The following DENND1B variants were observed in gnomAD, a reference collection of about 807,000 sequenced individuals.
DENND1B encodes the protein DENN domain containing 1B.
A neutral mutation model predicts 90.1 loss-of-function variants in DENND1B; 59 were observed. That is an observed-to-expected ratio of 0.65 (90% CI 0.53 to 0.81). The LOEUF is 0.81. Among genes scored for constraint, DENND1B ranks in the 40% least tolerant of loss-of-function variants. The probability of loss-of-function intolerance (pLI) is 0.00; values close to 1 mark genes in which losing one functional copy is unlikely to be tolerated. For missense variants in DENND1B, 862 were observed against 912.6 expected (o/e 0.94, Z 0.71); for synonymous variants, 337 against 324.6 (o/e 1.04, Z -0.41).
intron 7 of DENND1B, 51 bp downstream of exon 7, chr1:197,652,184 A>G (rs1447904879): frequency 6.6e-7 from 1 of 1,515,740 alleles, no homozygotes; most frequent in Non-Finnish European, 9.1e-7. Context: ...CTCTTAACGA[A>G]ATTGAGACAT....
chr1:197,526,582 T>C (rs901180909), intron 20 of DENND1B, among the ~76,000 whole-genome samples: 1 of 152,128 alleles, frequency 6.6e-6, no homozygotes, highest in Non-Finnish European at 1.5e-5. Context: ...TTTCAAGACA[T>C]TGTAATAAAT....
intron 15 of DENND1B, among the ~76,000 whole-genome samples, chr1:197,566,132 C>T (rs1163284392): frequency 6.6e-6 from 1 of 151,938 alleles, no homozygotes; most frequent in Non-Finnish European, 1.5e-5. Flanking sequence ...CCTATTTCTC[C>T]ACATCCTCTC....
chr1:197,672,890 T>C (rs1362940153), intron 4 of DENND1B, among the ~76,000 whole-genome samples: 1 of 152,040 alleles, frequency 6.6e-6, no homozygotes, highest in African/African-American at 2.4e-5. Flanking sequence ...CTATTTAAAA[T>C]ATATGAATAT....
At chr1:197,763,437 C>T (rs1250864042) in intron 2 of DENND1B, among the ~76,000 whole-genome samples, 1 of 152,112 alleles carries the variant, frequency 6.6e-6, no homozygotes, top group African/African-American at 2.4e-5. Context: ...ATCTCAGTAC[C>T]TTTATCAGTT....
chr1:197,681,154 C>T (rs371615145), intron 3 of DENND1B, among the ~76,000 whole-genome samples: 3 of 152,084 alleles, frequency 2.0e-5, no homozygotes, highest in Admixed American at 2.0e-4. Flanking sequence ...AAGCATTATA[C>T]TGAATAACTT....
At chr1:197,535,697 C>A (rs2125643013) in intron 20 of DENND1B, among the ~76,000 whole-genome samples, 1 of 152,306 alleles carries the variant, frequency 6.6e-6, no homozygotes, top group African/African-American at 2.4e-5. Context: ...CTGAGAACTG[C>A]TTCCCCTGTT....
chr1:197,732,539 G>C (rs6428416), intron 2 of DENND1B, among the ~76,000 whole-genome samples: 74,472 of 152,012 alleles, frequency 0.49, 20,674 homozygotes, highest in East Asian at 0.66. Flanking sequence ...CATTAAGTTA[G>C]TTAAAAGACA....
At chr1:197,638,547 T>C (rs991400679) in intron 10 of DENND1B, among the ~76,000 whole-genome samples, 2 of 152,178 alleles carry the variant, frequency 1.3e-5, no homozygotes, top group East Asian at 1.9e-4. Context: ...GGTACAATTA[T>C]AGAGGCATAT....
At chr1:197,640,696 A>C (rs1394376440) in intron 10 of DENND1B, among the ~76,000 whole-genome samples, 1 of 152,172 alleles carries the variant, frequency 6.6e-6, no homozygotes, top group Non-Finnish European at 1.5e-5. Flanking sequence ...AAATTAAATA[A>C]AACACCAATA....
At chr1:197,738,057 T>C (rs1448594219) in intron 2 of DENND1B, among the ~76,000 whole-genome samples, 1 of 152,190 alleles carries the variant, frequency 6.6e-6, no homozygotes, top group Non-Finnish European at 1.5e-5. Context: ...CCCTATTTAC[T>C]TTCCCCTTCA....
intron 2 of DENND1B, among the ~76,000 whole-genome samples, chr1:197,722,615 G>A (rs915208718): frequency 2.6e-5 from 4 of 152,054 alleles, no homozygotes; most frequent in African/African-American, 9.7e-5. Context: ...AAGAAACCTA[G>A]ACAAGGAGAT....
chr1:197,573,054 C>T (rs533829607), intron 15 of DENND1B, among the ~76,000 whole-genome samples: 576 of 152,004 alleles, frequency 3.8e-3, no homozygotes, highest in Non-Finnish European at 6.4e-3. Flanking sequence ...GTCTTGCTAG[C>T]GGTCTATCAA....
chr1:197,742,618 A>T (rs932990470), intron 2 of DENND1B, among the ~76,000 whole-genome samples: 3 of 152,220 alleles, frequency 2.0e-5, no homozygotes, highest in Admixed American at 2.0e-4. Flanking sequence ...AGGAAAAGCA[A>T]GACTGTGGTC....
At chr1:197,554,832 C>CAAAAAAA (rs11440581) in intron 15 of DENND1B, among the ~76,000 whole-genome samples, 10 of 69,330 alleles carry the variant, frequency 1.4e-4, no homozygotes, top group African/African-American at 3.9e-4. Context: ...GACTCCATCT[C>CAAAAAAA]AAAAAAAAAA....
chr1:197,566,307 C>T (rs1479986326), intron 15 of DENND1B, among the ~76,000 whole-genome samples: 2 of 152,054 alleles, frequency 1.3e-5, no homozygotes, highest in Non-Finnish European at 2.9e-5. Context: ...AGTGTCTGTT[C>T]ATGTCCTTTG....
At chr1:197,676,551 A>G (rs1238156594) in intron 3 of DENND1B, among the ~76,000 whole-genome samples, 1 of 152,146 alleles carries the variant, frequency 6.6e-6, no homozygotes, top group African/African-American at 2.4e-5. Flanking sequence ...TTTTGCATTT[A>G]AAGAAAACAA....
At chr1:197,553,397 T>G (rs930224787) in intron 15 of DENND1B, among the ~76,000 whole-genome samples, 4 of 152,124 alleles carry the variant, frequency 2.6e-5, no homozygotes, top group African/African-American at 9.7e-5. Flanking sequence ...AATGCAGTAG[T>G]AAAGATCATA....
chr1:197,537,071 C>T (rs1245419981), intron 20 of DENND1B, among the ~76,000 whole-genome samples: 2 of 151,330 alleles, frequency 1.3e-5, no homozygotes, highest in Non-Finnish European at 2.9e-5. Flanking sequence ...ACATACAACA[C>T]ACAGATATAT....
At chr1:197,692,789 A>G (rs1658040694) in intron 3 of DENND1B, among the ~76,000 whole-genome samples, 1 of 151,810 alleles carries the variant, frequency 6.6e-6, no homozygotes, top group Admixed American at 6.6e-5. Flanking sequence ...GTATGGATTT[A>G]AAGACATAGG....
Sources: allele counts gnomAD v4.1 joint callset (sites outside exome capture counted in the v4.1 genomes callset), GRCh38; gene constraint gnomAD v4.1.1; transcripts MANE v1.5; gene names NCBI Gene and HGNC (gene_info 2026-07-23, HGNC 2026-07-21).